Variants in GRM8 observed in about 807,000 individuals in gnomAD.
GRM8 encodes the protein metabotropic glutamate receptor 8.
A neutral mutation model predicts 87.2 loss-of-function variants in GRM8; 47 were observed. The ratio of observed to expected loss-of-function variants is 0.54; its 90% confidence interval spans 0.43 to 0.69. GRM8 has a LOEUF of 0.69. Ranked by LOEUF, GRM8 falls within the 30% of genes least tolerant of loss-of-function variation. GRM8 has a pLI of 0.00. For synonymous variants in GRM8, 396 were observed against 404.5 expected (o/e 0.98, Z 0.25); for missense variants, 1,019 against 1,139.2 (o/e 0.89, Z 1.52).
chr7:126,965,938 T>C (rs1809807208), intron 3 of GRM8, among the ~76,000 whole-genome samples: 2 of 152,106 alleles, frequency 1.3e-5, no homozygotes, highest in Admixed American at 1.3e-4. Flanking sequence ...GGCCAGTCCA[T>C]GTCTTTTCAT....
At chr7:126,916,188 C>A (rs957320500) in intron 3 of GRM8, among the ~76,000 whole-genome samples, 11 of 152,266 alleles carry the variant, frequency 7.2e-5, no homozygotes, top group African/African-American at 2.6e-4. Context: ...AAATTTCTTA[C>A]CTGTTCTGGA....
rs567413566 is a variant in GRM8, at chr7:127,024,136, C to T, written c.727+82360G>A. ...ACTGCACTGCTACTCATTTGCTTGA[C>T]GAAATTGATAGCTTGTCAAGTCTTG... On this transcript the variant is annotated intron_variant, in intron 3 of 10. Coordinates refer to ENST00000339582, the MANE Select transcript of GRM8 (RefSeq NM_000845.3). Among the ~76,000 whole-genome samples the T allele has an allele frequency of 1.1e-4, 16 of 152,136 alleles. No homozygotes were observed. The East Asian group carries it at 1.7e-3, about 17-fold the overall frequency.
intron 6 of GRM8, among the ~76,000 whole-genome samples, chr7:126,872,765 A>G (rs189805470): frequency 8.1e-4 from 124 of 152,262 alleles, no homozygotes; most frequent in African/African-American, 2.8e-3. Context: ...AGGTGCATCA[A>G]AGATTTATCA....
At chr7:127,049,188 G>A (rs909525164) in intron 3 of GRM8, among the ~76,000 whole-genome samples, 1 of 151,972 alleles carries the variant, frequency 6.6e-6, no homozygotes, top group African/African-American at 2.4e-5. Context: ...AATTTTAGTA[G>A]GTCTAGAAAA....
chr7:127,125,398 T>G (rs1827304752), intron 2 of GRM8, among the ~76,000 whole-genome samples: 1 of 151,900 alleles, frequency 6.6e-6, no homozygotes, highest in South Asian at 2.1e-4. Flanking sequence ...AATAACCATA[T>G]GAAGAAAAAA....
At chr7:126,556,215 C>A (rs1793117640) in intron 8 of GRM8, among the ~76,000 whole-genome samples, 1 of 151,890 alleles carries the variant, frequency 6.6e-6, no homozygotes. Flanking sequence ...CAAAGTCAGT[C>A]AAGCCTTTAA....
intron 3 of GRM8, among the ~76,000 whole-genome samples, chr7:127,100,371 G>A (rs939172317): frequency 6.6e-6 from 1 of 152,004 alleles, no homozygotes; most frequent in African/African-American, 2.4e-5. Context: ...CATAATTGAA[G>A]TCTTCTTCAA....
At chr7:126,461,449 G>A (rs1003702940) in intron 9 of GRM8, among the ~76,000 whole-genome samples, 2 of 151,514 alleles carry the variant, frequency 1.3e-5, no homozygotes, top group African/African-American at 4.8e-5. Context: ...CAAGAGAGTT[G>A]TTTCCACCCC....
At chr7:126,974,062 C>T (rs565847540) in intron 3 of GRM8, among the ~76,000 whole-genome samples, 8 of 152,302 alleles carry the variant, frequency 5.3e-5, no homozygotes, top group Admixed American at 5.2e-4. Context: ...ATTCAACATA[C>T]ACAAACTTTG....
At chr7:126,947,428 G>A (rs946712655) in intron 3 of GRM8, among the ~76,000 whole-genome samples, 1 of 152,058 alleles carries the variant, frequency 6.6e-6, no homozygotes, top group Admixed American at 6.5e-5. Context: ...GGTACAAACT[G>A]GAGACTCCAG....
chr7:126,606,890 G>A (rs530054531), intron 8 of GRM8, among the ~76,000 whole-genome samples: 6 of 152,270 alleles, frequency 3.9e-5, no homozygotes, highest in Admixed American at 6.5e-5. Context: ...CGTATATGGC[G>A]AGATGTGTAT....
At chr7:126,899,328 T>C (rs571445715) in intron 6 of GRM8, among the ~76,000 whole-genome samples, 54 of 152,212 alleles carry the variant, frequency 3.5e-4, no homozygotes, top group Non-Finnish European at 6.2e-4. Context: ...TGCCACTTTG[T>C]ATTTTCCATT....
intron 3 of GRM8, among the ~76,000 whole-genome samples, chr7:126,931,538 T>A (rs1165654500): frequency 1.3e-5 from 2 of 152,194 alleles, no homozygotes; most frequent in African/African-American, 2.4e-5. Context: ...TAATAAAGAA[T>A]TTAGAAAACA....
At chr7:126,932,166 G>A (rs1805834029) in intron 3 of GRM8, among the ~76,000 whole-genome samples, 1 of 152,176 alleles carries the variant, frequency 6.6e-6, no homozygotes, top group East Asian at 1.9e-4. Context: ...TTGGTTGGTA[G>A]GTTGACTACT....
At chr7:126,478,000 T>G (rs1316090311) in intron 9 of GRM8, among the ~76,000 whole-genome samples, 1 of 152,152 alleles carries the variant, frequency 6.6e-6, no homozygotes, top group East Asian at 1.9e-4. Context: ...TCTGCTTCCA[T>G]GTCCACATGG....
At chr7:126,716,184 T>TC (rs1316181764) in intron 7 of GRM8, among the ~76,000 whole-genome samples, 1 of 152,194 alleles carries the variant, frequency 6.6e-6, no homozygotes, top group Non-Finnish European at 1.5e-5. Context: ...ACACTTTTTT[T>TC]TCTCTCTCTA....
At chr7:126,546,131 GTAA>G (rs1361765925) in intron 8 of GRM8, among the ~76,000 whole-genome samples, 2 of 152,084 alleles carry the variant, frequency 1.3e-5, no homozygotes, top group Admixed American at 6.6e-5. Flanking sequence ...GATAATAATA[GTAA>G]TAATAATAAC....
chr7:127,093,582 A>C (rs1190831775), intron 3 of GRM8, among the ~76,000 whole-genome samples: 1 of 152,214 alleles, frequency 6.6e-6, no homozygotes, highest in Non-Finnish European at 1.5e-5. Flanking sequence ...CATAAGTACC[A>C]ATGCCTTGGA....
At position 126,705,325 on chromosome 7, in the gene GRM8, G is replaced by A. The variant is rs1334559061; in HGVS notation, c.1357+64540C>T. 2.0e-5 allele frequency among the ~76,000 whole-genome samples: 3 copies of A among 152,096 alleles called. No homozygotes were observed. The East Asian group carries it at 5.8e-4, about 29-fold the overall frequency. On this transcript the variant is annotated intron_variant, in intron 7 of 10. Coordinates refer to ENST00000339582, the MANE Select transcript of GRM8 (RefSeq NM_000845.3). ...GCCAATCTCCTTGCTGCACAAACTT[G>A]CTAAGCCCATTACATATGCAAGTTT...
Sources: allele counts gnomAD v4.1 joint callset (sites outside exome capture counted in the v4.1 genomes callset), GRCh38; gene constraint gnomAD v4.1.1; transcripts MANE v1.5; gene names NCBI Gene and HGNC (gene_info 2026-07-23, HGNC 2026-07-21).